Variants in SYNE2 observed in about 807,000 individuals in gnomAD.
SYNE2 encodes nesprin-2.
Under a neutral mutation model 856.3 loss-of-function variants are expected in SYNE2, and 431 were observed. That is an observed-to-expected ratio of 0.50 (90% CI 0.47 to 0.55). The LOEUF (loss-of-function observed/expected upper bound fraction) is 0.55. Ranked by LOEUF, SYNE2 falls within the 20% of genes least tolerant of loss-of-function variation. The pLI is 0.00. For synonymous variants in SYNE2, 2,923 were observed against 2,872.3 expected (o/e 1.02, Z -0.56); for missense variants, 8,129 against 8,023.2 (o/e 1.01, Z -0.50).
At chr14:63,814,536 T>A (rs1888769891) in intron 1 of SYNE2, among the ~76,000 whole-genome samples, 1 of 140,226 alleles carries the variant, frequency 7.1e-6, no homozygotes, top group Admixed American at 7.6e-5. Flanking sequence ...TATCCATATA[T>A]AATATATATA....
At chr14:64,069,214 T>C (rs762365540) in intron 51 of SYNE2, among the ~76,000 whole-genome samples, 1 of 151,280 alleles carries the variant, frequency 6.6e-6, no homozygotes, top group Non-Finnish European at 1.5e-5. Context: ...TTGGAAACCC[T>C]AGATGTACAA....
intron 1 of SYNE2, among the ~76,000 whole-genome samples, chr14:63,860,578 T>A (rs933313225): frequency 1.3e-5 from 2 of 152,198 alleles, no homozygotes; most frequent in Non-Finnish European, 2.9e-5. Flanking sequence ...AATCTGAGAT[T>A]TGGTGCTTGG....
At position 64,003,235 on chromosome 14, in the gene SYNE2, C is replaced by CA; in HGVS notation, c.4307dup (p.Asn1436LysfsTer2). The CA allele has an allele frequency of 6.2e-7, 1 of 1,613,396 alleles. No homozygotes were observed. The highest frequency in any genetic ancestry group is 8.5e-7 in the Non-Finnish European group (1 of 1,179,774). On this transcript the variant is annotated frameshift_variant, in exon 30 of 116. Transcript: ENST00000555002. LOFTEE classifies it high-confidence loss of function. ...ACAAATTACTAGAGGCTTGTATTTT[C>CA]AAAAATAATGAACTCCTTAAAAATA...
At position 63,925,991 on chromosome 14, in the gene SYNE2, G is replaced by A. The variant is rs148942763; in HGVS notation, c.80-14623G>A. Among the ~76,000 whole-genome samples the A allele has an allele frequency of 1.2e-3, 188 of 151,604 alleles. 2 individuals are homozygous for A. The East Asian group carries it at 0.021, about 17-fold the overall frequency. ...ACCTCAGCCCCCCAAACAGGTGCGC[G>A]CCATGACACCTGGCTAATTTTTCAT... On this transcript the variant is annotated intron_variant, in intron 2 of 115. Transcript: ENST00000555002.
chr14:63,846,575 T>G (rs1890233326), intron 1 of SYNE2, among the ~76,000 whole-genome samples: 3 of 29,220 alleles, frequency 1.0e-4, no homozygotes, highest in African/African-American at 2.4e-4. Context: ...TTTATTCAGG[T>G]TTTTTTTTCT....
intron 64 of SYNE2, among the ~76,000 whole-genome samples, chr14:64,105,422 A>G (rs2097764703): frequency 6.6e-6 from 1 of 152,200 alleles, no homozygotes; most frequent in Non-Finnish European, 1.5e-5. Flanking sequence ...TTTTCAGTAG[A>G]AGCTGAAAAG....
At chr14:64,074,892 AGTC>A (rs2097445390) in intron 53 of SYNE2, among the ~76,000 whole-genome samples, 2 of 151,702 alleles carry the variant, frequency 1.3e-5, no homozygotes, top group Non-Finnish European at 2.9e-5. Context: ...AAAAAAAAAA[AGTC>A]ACATGCTGTC....
intron 1 of SYNE2, among the ~76,000 whole-genome samples, chr14:63,880,786 G>A (rs2094842639): frequency 6.6e-6 from 1 of 150,488 alleles, no homozygotes; most frequent in Non-Finnish European, 1.5e-5. Flanking sequence ...AGTCCTCTAG[G>A]CTAAGCTTCC....
chr14:64,136,519 G>A (rs373112213), intron 78 of SYNE2, among the ~76,000 whole-genome samples: 90 of 152,114 alleles, frequency 5.9e-4, no homozygotes, highest in African/African-American at 2.1e-3. Flanking sequence ...TTTGAAAATA[G>A]CAAACCTTCT....
chr14:64,187,451 G>A (rs957827537), intron 97 of SYNE2, among the ~76,000 whole-genome samples: 1 of 152,134 alleles, frequency 6.6e-6, no homozygotes, highest in African/African-American at 2.4e-5. Context: ...GAAGACTGGG[G>A]CCCAGATGTT....
At chr14:63,961,465 C>A in intron 8 of SYNE2, 60 bp from the exon 9 acceptor site, 1 of 1,404,192 alleles carries the variant, frequency 7.1e-7, no homozygotes, top group Non-Finnish European at 1.0e-6. Flanking sequence ...ATAGCCCATT[C>A]TTGAGTATTC....
intron 23 of SYNE2, among the ~76,000 whole-genome samples, chr14:63,996,401 C>G (rs1386072818): frequency 1.3e-5 from 2 of 152,164 alleles, no homozygotes; most frequent in South Asian, 2.1e-4. Context: ...CACCAGTTCC[C>G]CATACCCCCA....
intron 99 of SYNE2, among the ~76,000 whole-genome samples, chr14:64,195,631 C>T (rs1259000295): frequency 6.6e-6 from 1 of 152,236 alleles, no homozygotes; most frequent in African/African-American, 2.4e-5. Flanking sequence ...CCGTTAAACT[C>T]AGAAGTTACG....
At chr14:63,954,575 T>A (rs1054563751) in intron 7 of SYNE2, 144 bp from the exon 8 acceptor site, 1 of 685,948 alleles carries the variant, frequency 1.5e-6, no homozygotes, top group African/African-American at 1.8e-5. Flanking sequence ...TTCCTTTAAT[T>A]TGGTCACAAG....
At chr14:64,218,835 C>T (rs1395442317) in intron 109 of SYNE2, among the ~76,000 whole-genome samples, 3 of 152,284 alleles carry the variant, frequency 2.0e-5, no homozygotes, top group South Asian at 4.1e-4. Flanking sequence ...TCTCTTCATT[C>T]GACCAGCCCA....
At chr14:64,098,873 G>T in intron 63 of SYNE2, 52 bp downstream of exon 63, 1 of 1,558,566 alleles carries the variant, frequency 6.4e-7, no homozygotes. Flanking sequence ...ATCTCTAAAA[G>T]AAGTCAATGA....
In SYNE2 at chr14:64,021,403, C is replaced by G. The variant is rs1426636384; in HGVS notation, c.5240C>G (p.Thr1747Ser). ...AACTGCCATGCACTCAGTGGCAGCA[C>G]TGCTGAGCTAAGGGAGGATCTCGAC... ...ESNCHALSGS[T>S]AELREDLDQA... The change falls in exon 36 of 116, where the codon ACT becomes AGT. Residue 1747 changes from threonine (T) to serine (S), a missense_variant. Transcript: ENST00000555002. 1 of 1,614,168 alleles carries G rather than the reference C, an allele frequency of 6.2e-7. No homozygotes were observed. The highest frequency in any genetic ancestry group is 1.7e-5 in the Admixed American group (1 of 60,022).
In SYNE2 at chr14:64,000,696, G is replaced by A. The variant is rs761083872; in HGVS notation, c.3615G>A (p.Glu1205=). The A allele has an allele frequency of 3.6e-5, 58 of 1,612,966 alleles. No individual in the cohort carries two copies. The highest frequency in any genetic ancestry group is 4.9e-5 in the Non-Finnish European group (58 of 1,179,630). ...ERDTLKERER[E]LQMTLNTRME... ...ACACACTAAAGGAAAGAGAAAGAGAGCTTCAGATGACTCTTAATACCAGGT... is the reference window on the plus strand; with the variant it reads ...ACACACTAAAGGAAAGAGAAAGAGAACTTCAGATGACTCTTAATACCAGGT... The change falls in exon 28 of 116, where the codon GAG becomes GAA. Residue 1205 remains glutamate (E), a synonymous_variant. Coordinates refer to ENST00000555002, the MANE Select transcript of SYNE2 (RefSeq NM_182914.3).
intron 10 of SYNE2, among the ~76,000 whole-genome samples, chr14:63,966,568 TC>T (rs111600981): frequency 0.025 from 3,735 of 146,828 alleles, 111 homozygotes; most frequent in East Asian, 0.16. Context: ...CTCTTTTTTT[TC>T]CCCCCCCGAG....
Sources: allele counts gnomAD v4.1 joint callset (sites outside exome capture counted in the v4.1 genomes callset), GRCh38; gene constraint gnomAD v4.1.1; transcripts MANE v1.5; gene names NCBI Gene and HGNC (gene_info 2026-07-23, HGNC 2026-07-21).